EPHA5: variants seen among roughly 807,000 people sequenced by gnomAD.
EPHA5 encodes ephrin type-A receptor 5.
In EPHA5, 60 loss-of-function variants were observed where a neutral mutation model predicts 105.0. That is an observed-to-expected ratio of 0.57 (90% CI 0.46 to 0.71). The LOEUF is 0.71. Ranked by LOEUF, EPHA5 falls within the 30% of genes least tolerant of loss-of-function variation. The pLI, the probability that EPHA5 is intolerant of heterozygous loss-of-function variation, is 0.00. For synonymous variants in EPHA5, 513 were observed against 449.1 expected, an observed-to-expected ratio of 1.14 and a Z score of -1.80; for missense variants, 1,218 against 1,274.7, an observed-to-expected ratio of 0.96 and a Z score of 0.68.
chr4:65,606,800 A>G (rs1267231406), intron 2 of EPHA5, among the ~76,000 whole-genome samples: 1 of 152,190 alleles, frequency 6.6e-6, no homozygotes, highest in African/African-American at 2.4e-5. Flanking sequence ...CATATTTCAT[A>G]TTTCAGTCAA....
intron 3 of EPHA5, among the ~76,000 whole-genome samples, chr4:65,589,014 G>A (rs1033544568): frequency 6.6e-6 from 1 of 152,094 alleles, no homozygotes; most frequent in African/African-American, 2.4e-5. Context: ...GATTTTCTTT[G>A]TGCCAAGTGC....
chr4:65,667,253 A>G (rs1342093775), intron 1 of EPHA5, among the ~76,000 whole-genome samples: 1 of 152,250 alleles, frequency 6.6e-6, no homozygotes, highest in Non-Finnish European at 1.5e-5. Context: ...GCATGGAGAA[A>G]CAAGAAGAGA....
intron 5 of EPHA5, among the ~76,000 whole-genome samples, chr4:65,424,514 T>C (rs1251302919): frequency 6.6e-6 from 1 of 152,104 alleles, no homozygotes; most frequent in African/African-American, 2.4e-5. Context: ...TCAGGTACAA[T>C]GTCAGGTACA....
intron 2 of EPHA5, among the ~76,000 whole-genome samples, chr4:65,622,806 C>T (rs1487609813): frequency 1.3e-5 from 2 of 151,878 alleles, no homozygotes; most frequent in Admixed American, 6.6e-5. Flanking sequence ...AGAAATAAAT[C>T]CTGTCTCTTA....
intron 3 of EPHA5, among the ~76,000 whole-genome samples, chr4:65,529,504 A>T (rs1379621647): frequency 6.6e-6 from 1 of 151,770 alleles, no homozygotes; most frequent in Non-Finnish European, 1.5e-5. Flanking sequence ...CTTCAGAGAA[A>T]GAAAGAAAAA....
At chr4:65,495,943 T>C (rs1397473795) in intron 3 of EPHA5, among the ~76,000 whole-genome samples, 1 of 152,200 alleles carries the variant, frequency 6.6e-6, no homozygotes, top group Non-Finnish European at 1.5e-5. Flanking sequence ...AATGGTATGA[T>C]ACAAAGTAGG....
At chr4:65,550,426 C>T (rs1014015549) in intron 3 of EPHA5, among the ~76,000 whole-genome samples, 1 of 151,946 alleles carries the variant, frequency 6.6e-6, no homozygotes, top group African/African-American at 2.4e-5. Context: ...GTTTGGACGC[C>T]CTTAATAGAT....
rs1199913731 is a variant in EPHA5 at position 65,343,886 on chromosome 4, T to C, written c.2595+4168A>G. On this transcript the variant is annotated intron_variant, in intron 14 of 16. Transcript: ENST00000613740. ...TTTTTTCTTTAAACTTCCTGAAAGG[T>C]TACATAAGCAATTTCTAGTGTTTTT... Among the ~76,000 whole-genome samples, 3 of 152,094 alleles carry C rather than the reference T, an allele frequency of 2.0e-5. No individual in the cohort carries two copies. The East Asian group carries it at 5.8e-4, about 29-fold the overall frequency.
intron 15 of EPHA5, among the ~76,000 whole-genome samples, 199 bp from the exon 16 acceptor site, chr4:65,332,327 T>C (rs1305498645): frequency 6.6e-6 from 1 of 151,796 alleles, no homozygotes; most frequent in Non-Finnish European, 1.5e-5. Flanking sequence ...GATTATTTTA[T>C]CCATAATTAA....
rs75546675 is a variant in EPHA5, at chr4:65,514,676, G to T, written c.911-19133C>A. On this transcript the variant is annotated intron_variant, in intron 3 of 16. Coordinates refer to ENST00000613740, the MANE Select transcript of EPHA5 (RefSeq NM_001281766.3). ...GTTTTCATCAACTGCATTTTTAAAG[G>T]TTTGTTATACAGCAATAATAACAGA... 5.3e-4 allele frequency among the ~76,000 whole-genome samples: 81 copies of T among 152,154 alleles called. 2 individuals are homozygous for T. The East Asian group carries it at 0.012, about 23-fold the overall frequency.
chr4:65,323,688 T>C lies in EPHA5; in HGVS notation c.*426A>G, dbSNP rs1039228770. 3.5e-5 allele frequency: 8 copies of C among 230,828 alleles called. No homozygotes were observed. The East Asian group carries it at 4.3e-4, about 12-fold the overall frequency. 14.3% of individuals were successfully genotyped at this position (230,828 alleles called of 1,614,324 possible). A position where few individuals can be genotyped will look rare whatever the true frequency, so the allele number is the denominator to read the frequency against. On this transcript the variant is annotated 3_prime_UTR_variant, in exon 17 of 17. Coordinates refer to ENST00000613740, the MANE Select transcript of EPHA5 (RefSeq NM_001281766.3). ...TAGACAATTAAGACTTGAAGTAAAC[T>C]TCAGTAAACTGTAGCTTTTGTTAGC...
At chr4:65,420,304 A>G (rs1723817382) in intron 6 of EPHA5, 137 bp downstream of exon 6, 1 of 869,524 alleles carries the variant, frequency 1.2e-6, no homozygotes. Flanking sequence ...TCTAGCCTCC[A>G]TAATTATGAC....
chr4:65,354,359 T>TA (rs1327083875), intron 11 of EPHA5, among the ~76,000 whole-genome samples: 2 of 151,770 alleles, frequency 1.3e-5, no homozygotes, highest in African/African-American at 4.8e-5. Context: ...AATTGCAAGA[T>TA]AAAAAATTAT....
At chr4:65,595,589 T>A (rs202155064) in intron 3 of EPHA5, among the ~76,000 whole-genome samples, 1 of 151,408 alleles carries the variant, frequency 6.6e-6, no homozygotes. Context: ...AGATTTTTTT[T>A]TTTTTTTTTG....
At chr4:65,490,353 A>G (rs771527009) in intron 5 of EPHA5, 24 bp downstream of exon 5, 1 of 1,602,948 alleles carries the variant, frequency 6.2e-7, no homozygotes, top group South Asian at 1.1e-5. Context: ...TCACATACAC[A>G]ATTGGGTTGG....
chr4:65,346,866 T>C (rs1366457965), intron 14 of EPHA5, among the ~76,000 whole-genome samples: 2 of 152,130 alleles, frequency 1.3e-5, no homozygotes, highest in Non-Finnish European at 2.9e-5. Flanking sequence ...TGACCTTCTT[T>C]TCTACCTTTC....
intron 3 of EPHA5, among the ~76,000 whole-genome samples, chr4:65,568,653 A>G (rs931580331): frequency 6.6e-6 from 1 of 151,070 alleles, no homozygotes; most frequent in African/African-American, 2.4e-5. Context: ...CAAAGAATAA[A>G]TTATTTTAGG....
At chr4:65,444,412 A>C (rs1726317153) in intron 5 of EPHA5, among the ~76,000 whole-genome samples, 1 of 152,174 alleles carries the variant, frequency 6.6e-6, no homozygotes, top group African/African-American at 2.4e-5. Context: ...TCTTTATAAA[A>C]TCTCAGGAGA....
At chr4:65,611,482 G>A (rs1165547547) in intron 2 of EPHA5, among the ~76,000 whole-genome samples, 1 of 138,740 alleles carries the variant, frequency 7.2e-6, no homozygotes, top group Non-Finnish European at 1.5e-5. Flanking sequence ...TGCACTTAAT[G>A]TTTCAGGCAA....
Sources: gnomAD v4.1 joint callset for allele counts (sites outside exome capture counted in the v4.1 genomes callset) on GRCh38, gnomAD v4.1.1 for gene constraint, MANE v1.5 for transcripts, NCBI Gene and HGNC (gene_info 2026-07-23, HGNC 2026-07-21) for gene names.